The following PLEKHO2 variants were observed in gnomAD, a reference collection of about 807,000 sequenced individuals.
The protein encoded by PLEKHO2 is pleckstrin homology domain-containing family O member 2.
Under a neutral mutation model 32.7 loss-of-function variants are expected in PLEKHO2, and 20 were observed. The observed-to-expected ratio is 0.61, with a 90% CI of 0.43 to 0.89. The LOEUF (loss-of-function observed/expected upper bound fraction) is 0.89. Ranked by LOEUF, PLEKHO2 falls within the 40% of genes least tolerant of loss-of-function variation. The pLI is 0.00. For missense variants in PLEKHO2, 568 were observed against 621.2 expected, an observed-to-expected ratio of 0.91 and a Z score of 0.91; for synonymous variants, 247 against 246.3, an observed-to-expected ratio of 1.00 and a Z score of -0.03.
At chr15:64,858,456 G>A (rs1395718567) in intron 3 of PLEKHO2, among the ~76,000 whole-genome samples, 2 of 152,240 alleles carry the variant, frequency 1.3e-5, no homozygotes, top group African/African-American at 4.8e-5. Context: ...CTTGAGGTCA[G>A]AGAGTAGGCA....
intron 5 of PLEKHO2, among the ~76,000 whole-genome samples, chr15:64,864,459 C>T (rs1161261368): frequency 6.6e-6 from 1 of 152,136 alleles, no homozygotes; most frequent in African/African-American, 2.4e-5. Flanking sequence ...CTCTGACTGA[C>T]CAACTGGTTG....
At chr15:64,846,155 T>C (rs1280695665) in intron 1 of PLEKHO2, among the ~76,000 whole-genome samples, 3 of 152,086 alleles carry the variant, frequency 2.0e-5, no homozygotes, top group Admixed American at 6.5e-5. Flanking sequence ...GTTAGGGCCC[T>C]GGGGGTGTCA....
Position 64,865,021 on chromosome 15 carries a change from C to T in PLEKHO2, c.606C>T (p.Pro202=), listed in dbSNP as rs2084671184. Residue 202 remains proline (P), a synonymous_variant, in exon 6 of 6, where the codon CCC becomes CCT. Transcript: ENST00000323544. ...CCCAACCTCGGGAGACACCCCGGCC[C>T]CTCATGCCTCCTACCAAGCCTTTCC... ...SEAQPRETPR[P]LMPPTKPFLA... is the part of the protein sequence containing the mutation. 6.2e-7 allele frequency: 1 copy of T among 1,614,124 alleles called. No homozygotes were observed. The highest frequency in any genetic ancestry group is 1.1e-5 in the South Asian group (1 of 91,088).
intron 1 of PLEKHO2, among the ~76,000 whole-genome samples, chr15:64,843,023 G>A (rs2084496839): frequency 1.3e-5 from 2 of 152,166 alleles, no homozygotes; most frequent in Admixed American, 1.3e-4. Context: ...TCCTTGGATG[G>A]GGAGGAAAGA....
At chr15:64,849,807 C>T (rs2084553344) in intron 2 of PLEKHO2, among the ~76,000 whole-genome samples, 1 of 149,368 alleles carries the variant, frequency 6.7e-6, no homozygotes, top group African/African-American at 2.5e-5. Flanking sequence ...GGCAAGGTTC[C>T]ATATGAGTGA....
intron 1 of PLEKHO2, among the ~76,000 whole-genome samples, chr15:64,843,726 A>G (rs1193468320): frequency 1.3e-5 from 2 of 151,870 alleles, no homozygotes; most frequent in African/African-American, 4.8e-5. Context: ...GATTACAGGC[A>G]TGCACCACCA....
chr15:64,865,587 T>C lies in PLEKHO2; in HGVS notation c.1172T>C (p.Leu391Pro), dbSNP rs1007387811. Reference protein sequence around the residue: ...PPQFHPRCSSLGDLLGEGPRH... With the variant: ...PPQFHPRCSSPGDLLGEGPRH... The stretch of plus-strand genomic sequence containing the variant: ...CAGTTCCATCCCCGCTGCTCCTCCC[T>C]TGGGGACTTGCTTGGGGAAGGCCCG... The change falls in exon 6 of 6, where the codon CTT becomes CCT. Residue 391 changes from leucine to proline, a missense_variant. Leu to Pro is a moderately conservative substitution (Grantham distance 98). Transcript: ENST00000323544. The C allele has an allele frequency of 6.2e-7, 1 of 1,614,078 alleles. No homozygotes were observed. The highest frequency in any genetic ancestry group is 1.3e-5 in the African/African-American group (1 of 74,944).
chr15:64,856,388 G>C (rs1254662657), intron 3 of PLEKHO2, among the ~76,000 whole-genome samples: 1 of 152,108 alleles, frequency 6.6e-6, no homozygotes, highest in Non-Finnish European at 1.5e-5. Context: ...CTGTCTGGGT[G>C]TGTGTCTTAG....
intron 2 of PLEKHO2, among the ~76,000 whole-genome samples, chr15:64,850,365 C>T (rs1421359184): frequency 1.3e-5 from 2 of 152,274 alleles, no homozygotes; most frequent in East Asian, 1.9e-4. Flanking sequence ...GCAAGTCCAG[C>T]GTGCTTTCTA....
intron 3 of PLEKHO2, among the ~76,000 whole-genome samples, chr15:64,859,368 A>C (rs1489282160): frequency 1.3e-5 from 2 of 152,248 alleles, no homozygotes; most frequent in Non-Finnish European, 2.9e-5. Flanking sequence ...TGTCCTGCTC[A>C]GAGGCCCTAC....
intron 2 of PLEKHO2, among the ~76,000 whole-genome samples, chr15:64,850,475 C>A (rs2084559163): frequency 1.3e-5 from 2 of 152,182 alleles, no homozygotes; most frequent in South Asian, 4.1e-4. Context: ...AGATTCTGGC[C>A]TAAATAAAAT....
chr15:64,842,056 G>C, intron 1 of PLEKHO2, 28 bp downstream of exon 1: 1 of 1,236,452 alleles, frequency 8.1e-7, no homozygotes, highest in Non-Finnish European at 1.0e-6. Flanking sequence ...CGGGGCGTTG[G>C]GCTGGGGTCC....
intron 2 of PLEKHO2, 128 bp downstream of exon 2, chr15:64,848,870 C>T (rs902671235): frequency 1.4e-5 from 16 of 1,113,812 alleles, no homozygotes; most frequent in Non-Finnish European, 2.0e-5. Context: ...GCTGTGCAAC[C>T]TTGAGCGAGT....
At chr15:64,861,689 C>A in intron 5 of PLEKHO2, 114 bp downstream of exon 5, 1 of 774,316 alleles carries the variant, frequency 1.3e-6, no homozygotes, top group Non-Finnish European at 2.0e-6. Flanking sequence ...GGAGCTGGGG[C>A]TTCCTGAGGA....
intron 1 of PLEKHO2, among the ~76,000 whole-genome samples, chr15:64,846,950 A>G (rs1205470580): frequency 6.6e-6 from 1 of 152,218 alleles, no homozygotes; most frequent in Admixed American, 6.5e-5. Flanking sequence ...CTGTCTAGGA[A>G]CTGAGGGTAC....
At chr15:64,861,031 G>C (rs927037535) in intron 4 of PLEKHO2, among the ~76,000 whole-genome samples, 1 of 152,254 alleles carries the variant, frequency 6.6e-6, no homozygotes, top group Non-Finnish European at 1.5e-5. Context: ...CTGACCTCCA[G>C]GCTCCCAGAC....
At chr15:64,863,216 G>A (rs1247864790) in intron 5 of PLEKHO2, among the ~76,000 whole-genome samples, 1 of 152,174 alleles carries the variant, frequency 6.6e-6, no homozygotes, top group African/African-American at 2.4e-5. Flanking sequence ...GATTACAGGC[G>A]TGAGCCACCG....
At chr15:64,843,693 GC>G (rs1294088994) in intron 1 of PLEKHO2, among the ~76,000 whole-genome samples, 1 of 151,372 alleles carries the variant, frequency 6.6e-6, no homozygotes, top group Non-Finnish European at 1.5e-5. Context: ...CAATTCTCCT[GC>G]CTCAGCCTCC....
chr15:64,860,763 G>A (rs750137414), intron 4 of PLEKHO2, among the ~76,000 whole-genome samples: 1 of 152,314 alleles, frequency 6.6e-6, no homozygotes. Context: ...AAGTGTCCCC[G>A]TTCCACGGGA....
Sources: gnomAD v4.1 joint callset for allele counts (sites outside exome capture counted in the v4.1 genomes callset) on GRCh38, gnomAD v4.1.1 for gene constraint, MANE v1.5 for transcripts, NCBI Gene and HGNC (gene_info 2026-07-23, HGNC 2026-07-21) for gene names.